COL6A2: variants seen among roughly 807,000 people sequenced by gnomAD.
COL6A2 encodes the protein collagen alpha-2(VI) chain.
Under a neutral mutation model 124.9 loss-of-function variants are expected in COL6A2, and 90 were observed. That is an observed-to-expected ratio of 0.72 (90% CI 0.61 to 0.86). The LOEUF (loss-of-function observed/expected upper bound fraction) is 0.86. Among genes scored for constraint, COL6A2 ranks in the 40% least tolerant of loss-of-function variants. COL6A2 has a pLI of 0.00. For missense variants in COL6A2, 1,607 were observed against 1,502.5 expected, an observed-to-expected ratio of 1.07 and a Z score of -1.15; for synonymous variants, 793 against 618.2, an observed-to-expected ratio of 1.28 and a Z score of -4.19.
At chr21:46,118,032 C>A in intron 12 of COL6A2, 96 bp downstream of exon 12, 1 of 1,214,212 alleles carries the variant, frequency 8.2e-7, no homozygotes, top group Non-Finnish European at 1.2e-6. Flanking sequence ...CAGAGAGGGC[C>A]TTTCTGGAAA....
chr21:46,126,370 G>A, intron 26 of COL6A2, 133 bp downstream of exon 26: 2 of 1,513,908 alleles, frequency 1.3e-6, no homozygotes, highest in South Asian at 2.2e-5. Context: ...GGTGGGAAGG[G>A]GTCGGGCCCT....
chr21:46,118,950 CCACACCA>C (rs2078518499), intron 13 of COL6A2, 73 bp from the exon 14 acceptor site: 1 of 1,172,900 alleles, frequency 8.5e-7, no homozygotes, highest in South Asian at 1.3e-5. Flanking sequence ...AATAGGGGCT[CCACACCA>C]CACACCGCAC....
At chr21:46,110,378 A>G (rs952627619) in intron 1 of COL6A2, among the ~76,000 whole-genome samples, 6 of 152,200 alleles carry the variant, frequency 3.9e-5, no homozygotes, top group Non-Finnish European at 7.3e-5. Context: ...GTTATGCAAC[A>G]TTTAAAAATG....
chr21:46,117,407 TG>T lies in COL6A2; in HGVS notation c.1011del (p.Arg338AlafsTer70). The T allele has an allele frequency of 6.2e-7, 1 of 1,612,816 alleles. No individual in the cohort carries two copies. Among genetic ancestry groups the T allele is most frequent in the South Asian group, 1.1e-5 (1 of 91,068 alleles). On this transcript the variant is annotated frameshift_variant, in exon 11 of 28. Transcript: ENST00000300527. LOFTEE classifies it high-confidence loss of function. ...KNGTDGQKGK[L>X]GRIGPPGCKG... The stretch of plus-strand genomic sequence containing the variant: ...TGCCCCCTTCTCCTTCAGGGCAAGC[TG>T]GGGCGCATCGGACCTCCTGGCTGCA...
At chr21:46,112,988 C>A in intron 4 of COL6A2, 164 bp downstream of exon 4, 1 of 862,946 alleles carries the variant, frequency 1.2e-6, no homozygotes, top group East Asian at 2.6e-5. Context: ...GGAGAAAGGG[C>A]TCCCAGCCAA....
intron 27 of COL6A2, chr21:46,129,225 G>C: frequency 2.5e-6 from 4 of 1,612,934 alleles, no homozygotes; most frequent in Non-Finnish European, 3.4e-6. Context: ...CGAGCCCCCG[G>C]TCACCTTCCT....
At chr21:46,118,698 C>A (rs1460249178) in intron 13 of COL6A2, 22 bp downstream of exon 13, 2 of 1,601,894 alleles carry the variant, frequency 1.2e-6, no homozygotes. Context: ...TGCCTCTTCG[C>A]CTGCAGCTGA....
rs1256664089 is a variant in COL6A2, at chr21:46,119,023, T to A, written c.1180-7T>A. On this transcript the variant is annotated splice_polypyrimidine_tract_variant and splice_region_variant and intron_variant, in intron 13 of 27. Transcript: ENST00000300527. The stretch of plus-strand genomic sequence containing the variant: ...CTGGGTGACTGTGCTGTCCTCTCCT[T>A]CTTCAGGGGTATCAAGGCAACAGTG... The A allele has an allele frequency of 6.2e-7, 1 of 1,605,294 alleles. No individual in the cohort carries two copies. Among genetic ancestry groups the A allele is most frequent in the East Asian group, 2.2e-5 (1 of 44,712 alleles).
intron 27 of COL6A2, chr21:46,129,284 G>T: frequency 6.2e-7 from 1 of 1,612,942 alleles, no homozygotes; most frequent in Non-Finnish European, 8.5e-7. Context: ...CCATTCCCCT[G>T]ATCCAACAGT....
At chr21:46,120,609 TAGGGGATCTG>T (rs1463522142) in intron 16 of COL6A2, 32 bp downstream of exon 16, 4 of 1,444,062 alleles carry the variant, frequency 2.8e-6, no homozygotes, top group Non-Finnish European at 3.6e-6. Context: ...CACCCCAAGG[TAGGGGATCTG>T]AGGGGGTGCA....
At position 46,116,418 on chromosome 21, in the gene COL6A2, C is replaced by T. The variant is rs1283509842; in HGVS notation, c.927+15C>T. The T allele has an allele frequency of 1.2e-6, 2 of 1,612,708 alleles. No individual in the cohort carries two copies. The highest frequency in any genetic ancestry group is 8.5e-7 in the Non-Finnish European group (1 of 1,179,956). On this transcript the variant is annotated intron_variant, in intron 8 of 27. Coordinates refer to ENST00000300527, the MANE Select transcript of COL6A2 (RefSeq NM_001849.4). The surrounding 1 kb of genome is among the most constrained non-coding windows in gnomAD (Gnocchi z 4.6). ...AAGGAGAGAAGGTGAGGCTCTTGCC[C>T]TGACAGACCTCAGACCTGCGCCAGC...
In COL6A2 at chr21:46,116,926, T is replaced by TACACACACACACACACACAC. The variant is rs59060956; in HGVS notation, c.999+123_999+142dup. 4 of 639,232 alleles carry TACACACACACACACACACAC rather than the reference T, an allele frequency of 6.3e-6. No individual in the cohort carries two copies. The highest frequency in any genetic ancestry group is 2.6e-5 in the Admixed American group (1 of 38,616). 39.6% of individuals were successfully genotyped at this position (639,232 alleles called of 1,614,324 possible). A position where few individuals can be genotyped will look rare whatever the true frequency, so the allele number is the denominator to read the frequency against. On this transcript the variant is annotated intron_variant, in intron 10 of 27. Coordinates refer to ENST00000300527, the MANE Select transcript of COL6A2 (RefSeq NM_001849.4). The surrounding 1 kb of genome is among the most constrained non-coding windows in gnomAD (Gnocchi z 4.6). ...CAGCTTACACATGTGTACACACGCA[T>TACACACACACACACACACAC]ACACACACACACACACACACACACA...
At position 46,111,986 on chromosome 21, in the gene COL6A2, C is replaced by G; in HGVS notation, c.123C>G (p.Thr41=). 6.2e-7 allele frequency: 1 copy of G among 1,611,798 alleles called. No individual in the cohort carries two copies. Among genetic ancestry groups the G allele is most frequent in the Non-Finnish European group, 8.5e-7 (1 of 1,179,972 alleles). The change falls in exon 3 of 28, where the codon ACC becomes ACG. Residue 41 remains threonine, a synonymous_variant. Transcript: ENST00000300527. ...AGGTCCTGTGCCCCACAGAGAAGAC[C>G]GACTGCCCCATCCACGTGTACTTCG... ...TERNNNCPEK[T]DCPIHVYFVL...
At chr21:46,113,340 G>A (rs972217277) in intron 4 of COL6A2, among the ~76,000 whole-genome samples, 5 of 152,114 alleles carry the variant, frequency 3.3e-5, no homozygotes, top group Non-Finnish European at 7.4e-5. Flanking sequence ...CCTCACCAGT[G>A]CCCCTTGCTC....
rs150098077 is a variant in COL6A2, at chr21:46,125,985, C to T, written c.2170C>T (p.Arg724Cys). 1,592 of 1,613,102 alleles carry T rather than the reference C, an allele frequency of 9.9e-4. 3 individuals carry two copies. The highest frequency in any genetic ancestry group is 1.1e-3 in the Non-Finnish European group (1,253 of 1,179,876). The stretch of plus-strand genomic sequence containing the variant: ...CAAGGAGAGCCGGCGCCAGAAGACA[C>T]GTGTGTTTGCGGTGGTCATCACGGA... ...LIKESRRQKT[R>C]VFAVVITDGR... The change falls in exon 26 of 28, where the codon CGT (arginine) becomes TGT (cysteine). Residue 724 changes from arginine to cysteine, a missense_variant. Arg to Cys is a radical substitution (Grantham distance 180). Transcript: ENST00000300527.
intron 21 of COL6A2, 123 bp downstream of exon 21, chr21:46,123,060 C>A: frequency 1.1e-6 from 1 of 945,128 alleles, no homozygotes; most frequent in Non-Finnish European, 1.7e-6. Context: ...CCATGAGCAC[C>A]ACCCCCACCT....
rs912955467 is a variant in COL6A2 at position 46,118,902 on chromosome 21, G to GC, written c.1180-123dup. 3.2e-6 allele frequency: 3 copies of GC among 945,838 alleles called. No individual in the cohort carries two copies. The African/African-American group carries it at 4.9e-5, about 15-fold the overall frequency. The allele number at this position is 945,838 out of a possible 1,614,324, so 58.6% of individuals were successfully genotyped here. A position where few individuals can be genotyped will look rare whatever the true frequency, so the allele number is the denominator to read the frequency against. ...AACAAGTTCCAGGGGACCCTGCAGGGCCCCCATGTGCCTGGCAAGCAGATT... is the reference window on the plus strand; with the variant it reads ...AACAAGTTCCAGGGGACCCTGCAGGGCCCCCCATGTGCCTGGCAAGCAGATT... On this transcript the variant is annotated intron_variant, in intron 13 of 27. Coordinates refer to ENST00000300527, the MANE Select transcript of COL6A2 (RefSeq NM_001849.4).
In COL6A2 at chr21:46,125,573, T is replaced by C. The variant is rs760227367; in HGVS notation, c.1925T>C (p.Val642Ala). 6 of 1,611,728 alleles carry C rather than the reference T, an allele frequency of 3.7e-6. No homozygotes were observed. The highest frequency in any genetic ancestry group is 1.7e-5 in the Admixed American group (1 of 59,932). ...TLEKNFVINVVNRLGAIAKDP... is the reference protein window; with the variant it reads ...TLEKNFVINVANRLGAIAKDP... ...GAGAAGAACTTCGTCATCAACGTGG[T>C]CAACAGGCTGGGTGCCATCGCTAAG... The change falls in exon 25 of 28, where the codon GTC (valine) becomes GCC (alanine). Residue 642 changes from valine to alanine, a missense_variant. Transcript: ENST00000300527.
At chr21:46,121,692 C>G (rs1397552976) in intron 18 of COL6A2, 74 bp downstream of exon 18, 1 of 1,445,606 alleles carries the variant, frequency 6.9e-7, no homozygotes, top group Non-Finnish European at 9.7e-7. Flanking sequence ...AGGGGGCCGG[C>G]CTGGGGGACC....
Sources: allele counts gnomAD v4.1 joint callset (sites outside exome capture counted in the v4.1 genomes callset), GRCh38; gene constraint gnomAD v4.1.1; non-coding constraint Gnocchi (gnomAD v3.1); transcripts MANE v1.5; gene names NCBI Gene and HGNC (gene_info 2026-07-23, HGNC 2026-07-21).